The following KANSL1L variants were observed in gnomAD, a reference collection of about 807,000 sequenced individuals.
The protein encoded by KANSL1L is KAT8 regulatory NSL complex subunit 1 like.
A neutral mutation model predicts 108.6 loss-of-function variants in KANSL1L; 25 were observed. That is an observed-to-expected ratio of 0.23 (90% CI 0.17 to 0.32). KANSL1L has a LOEUF of 0.32. Ranked by LOEUF, KANSL1L falls within the 10% of genes least tolerant of loss-of-function variation. The pLI is 1.00. For synonymous variants in KANSL1L, 405 were observed against 395.1 expected, an observed-to-expected ratio of 1.03 and a Z score of -0.30; for missense variants, 1,137 against 1,125.7, an observed-to-expected ratio of 1.01 and a Z score of -0.14.
At chr2:210,079,642 A>ATATATATATATATATG (rs2094569537) in intron 5 of KANSL1L, among the ~76,000 whole-genome samples, 33 of 6,482 alleles carry the variant, frequency 5.1e-3, no homozygotes, top group African/African-American at 6.7e-3. Flanking sequence ...ATATATATAT[A>ATATATATATATATATG]TATATATATA....
chr2:210,113,168 G>A (rs1210186526), intron 3 of KANSL1L, among the ~76,000 whole-genome samples: 5 of 152,054 alleles, frequency 3.3e-5, no homozygotes, highest in East Asian at 1.9e-4. Context: ...CTCCTCCTCT[G>A]GCAGAAGGCC....
intron 7 of KANSL1L, chr2:210,043,464 CAGAT>C (rs1382470973): frequency 6.5e-6 from 1 of 153,504 alleles, no homozygotes; most frequent in Non-Finnish European, 1.4e-5. Flanking sequence ...TTATAAAGTA[CAGAT>C]ACTCTTGAGG....
At chr2:210,105,918 T>C (rs2094842740) in intron 3 of KANSL1L, among the ~76,000 whole-genome samples, 1 of 152,124 alleles carries the variant, frequency 6.6e-6, no homozygotes, top group Non-Finnish European at 1.5e-5. Context: ...AAATTAGATA[T>C]AATAGATATG....
chr2:210,159,422 T>C (rs2095349939), intron 1 of KANSL1L, among the ~76,000 whole-genome samples: 1 of 152,218 alleles, frequency 6.6e-6, no homozygotes, highest in Non-Finnish European at 1.5e-5. Flanking sequence ...TGACTCTCCA[T>C]TCCCTTACAC....
intron 6 of KANSL1L, among the ~76,000 whole-genome samples, chr2:210,069,268 C>A (rs1485884234): frequency 6.6e-6 from 1 of 152,208 alleles, no homozygotes; most frequent in East Asian, 1.9e-4. Flanking sequence ...TCTGAAACTT[C>A]ACTGAAGGCA....
chr2:210,026,191 A>C (rs2093934560), intron 12 of KANSL1L, among the ~76,000 whole-genome samples: 1 of 152,178 alleles, frequency 6.6e-6, no homozygotes, highest in South Asian at 2.1e-4. Flanking sequence ...GGGCATTAGA[A>C]GGTAAATTTT....
chr2:210,162,074 A>ATAT lies in KANSL1L; in HGVS notation c.-29-7464_-29-7463insATA, dbSNP rs1451313527. Among the ~76,000 whole-genome samples the ATAT allele has an allele frequency of 2.7e-5, 4 of 146,376 alleles. No individual in the cohort carries two copies. The South Asian group carries it at 6.4e-4, about 23-fold the overall frequency. On this transcript the variant is annotated intron_variant, in intron 1 of 14. Transcript: ENST00000281772. ...ACCCTGTCTCTATTTAAAAAAAAAA[A>ATAT]AAATATATATATATACACACACACA... is the stretch of plus-strand genomic sequence containing the variant.
chr2:210,065,441 T>A (rs1406419740), intron 6 of KANSL1L, among the ~76,000 whole-genome samples: 2 of 151,754 alleles, frequency 1.3e-5, no homozygotes, highest in Non-Finnish European at 2.9e-5. Flanking sequence ...TTAGACATGG[T>A]ATCAGTAAAA....
At chr2:210,060,072 G>C (rs1046591081) in intron 6 of KANSL1L, among the ~76,000 whole-genome samples, 11 of 152,084 alleles carry the variant, frequency 7.2e-5, no homozygotes, top group Non-Finnish European at 1.6e-4. Flanking sequence ...TCTATGAGAT[G>C]ATATCTTTAT....
In KANSL1L at chr2:210,022,944, C is replaced by G. The variant is rs555517490; in HGVS notation, c.*5G>C. ...ATTTACATAGTTTTCTTAACCTGTT[C>G]CCTGTCACCTATTTTTTTTAACATT... On this transcript the variant is annotated 3_prime_UTR_variant, in exon 15 of 15. Transcript: ENST00000281772. 13 of 1,590,592 alleles carry G rather than the reference C, an allele frequency of 8.2e-6. No homozygotes were observed. In the South Asian group the frequency reaches 1.3e-4, roughly 16 times the overall value.
intron 6 of KANSL1L, among the ~76,000 whole-genome samples, chr2:210,045,071 C>T (rs1173619777): frequency 6.6e-6 from 1 of 152,128 alleles, no homozygotes; most frequent in African/African-American, 2.4e-5. Context: ...CACCTGGCCA[C>T]ATTAACCGAT....
intron 11 of KANSL1L, among the ~76,000 whole-genome samples, chr2:210,027,625 A>G (rs1014008061): frequency 3.9e-5 from 6 of 152,216 alleles, no homozygotes; most frequent in Non-Finnish European, 7.3e-5. Flanking sequence ...AGTCAGTGGT[A>G]CGCTGATAAA....
At chr2:210,110,176 T>TC (rs1188650602) in intron 3 of KANSL1L, among the ~76,000 whole-genome samples, 9 of 152,204 alleles carry the variant, frequency 5.9e-5, no homozygotes, top group Admixed American at 5.9e-4. Flanking sequence ...CGTTCCTCTT[T>TC]CTCTGCTTCC....
In KANSL1L at chr2:210,088,036, A is replaced by G. The variant is rs555626132; in HGVS notation, c.1550+10050T>C. 2.5e-3 allele frequency among the ~76,000 whole-genome samples: 381 copies of G among 152,236 alleles called. 1 individual carries two copies. Among genetic ancestry groups the G allele is most frequent in the Non-Finnish European group, 2.5e-3 (168 of 68,016 alleles). The stretch of plus-strand genomic sequence containing the variant: ...ATAGAAATTCCATCTGGTTTTGTTC[A>G]TTATCATATACCTGGTATCCAATCC... On this transcript the variant is annotated intron_variant, in intron 5 of 14. Coordinates refer to ENST00000281772, the MANE Select transcript of KANSL1L (RefSeq NM_152519.4).
chr2:210,118,802 C>T (rs2094983720), intron 3 of KANSL1L, among the ~76,000 whole-genome samples: 1 of 151,260 alleles, frequency 6.6e-6, no homozygotes, highest in African/African-American at 2.4e-5. Flanking sequence ...CGAAATTGTG[C>T]CACTCCACTC....
rs146094986 is a variant in KANSL1L at position 210,074,865 on chromosome 2, C to T, written c.1755+687G>A. 6.1e-3 allele frequency among the ~76,000 whole-genome samples: 925 copies of T among 152,048 alleles called. 6 individuals are homozygous for T. Among genetic ancestry groups the T allele is most frequent in the Non-Finnish European group, 9.1e-3 (621 of 68,000 alleles). ...TCCTTTGATATATTAAGAAATCTAA[C>T]GTTAATTGTCAGGGGGAAGCATATC... On this transcript the variant is annotated intron_variant, in intron 6 of 14. Coordinates refer to ENST00000281772, the MANE Select transcript of KANSL1L (RefSeq NM_152519.4).
At chr2:210,171,995 T>A (rs866106429), upstream of KANSL1L, among the ~76,000 whole-genome samples, 42 of 145,704 alleles carry the variant, frequency 2.9e-4, no homozygotes, top group South Asian at 8.4e-3. Context: ...GTTTTATGAT[T>A]AAAAAAAAAA....
At position 210,102,353 on chromosome 2, in the gene KANSL1L, C is replaced by G. The variant is rs922873577; in HGVS notation, c.1428+1751G>C. 3.3e-5 allele frequency among the ~76,000 whole-genome samples: 5 copies of G among 152,110 alleles called. No homozygotes were observed. In the South Asian group the frequency reaches 1.0e-3, roughly 32 times the overall value. On this transcript the variant is annotated intron_variant, in intron 4 of 14. Coordinates refer to ENST00000281772, the MANE Select transcript of KANSL1L (RefSeq NM_152519.4). ...AAGACTTAAATATTAGACCTAAAAC[C>G]ATAAAAACCCTAGAAGAAAACCTAG...
At position 210,109,388 on chromosome 2, in the gene KANSL1L, T is replaced by C. The variant is rs13395167; in HGVS notation, c.1231-5087A>G. 7.2e-3 allele frequency among the ~76,000 whole-genome samples: 1,098 copies of C among 152,236 alleles called. 13 individuals carry two copies. Among genetic ancestry groups the C allele is most frequent in the African/African-American group, 0.025 (1,052 of 41,544 alleles). On this transcript the variant is annotated intron_variant, in intron 3 of 14. Coordinates refer to ENST00000281772, the MANE Select transcript of KANSL1L (RefSeq NM_152519.4). ...TCTGATCCCTTCCCTTCTCAGCTTTTTCCTTTTCAGACCTATCCCTATCAA... is the reference window on the plus strand; with the variant it reads ...TCTGATCCCTTCCCTTCTCAGCTTTCTCCTTTTCAGACCTATCCCTATCAA...
Sources: gnomAD v4.1 joint callset for allele counts (sites outside exome capture counted in the v4.1 genomes callset) on GRCh38, gnomAD v4.1.1 for gene constraint, MANE v1.5 for transcripts, NCBI Gene and HGNC (gene_info 2026-07-23, HGNC 2026-07-21) for gene names.